The following PKHD1 variants were observed in gnomAD, a reference collection of about 807,000 sequenced individuals.
PKHD1 encodes the protein fibrocystin.
Under a neutral mutation model 412.0 loss-of-function variants are expected in PKHD1, and 291 were observed. The observed-to-expected ratio is 0.71, with a 90% CI of 0.64 to 0.78. The LOEUF (loss-of-function observed/expected upper bound fraction) is 0.78. PKHD1 is among the 30% of genes least tolerant of loss of function. PKHD1 has a pLI of 0.00. For synonymous variants in PKHD1, 1,777 were observed against 1,821.5 expected, an observed-to-expected ratio of 0.98 and a Z score of 0.62; for missense variants, 4,825 against 4,950.7, an observed-to-expected ratio of 0.97 and a Z score of 0.76.
chr6:52,048,996 C>A (rs551057567), intron 22 of PKHD1, among the ~76,000 whole-genome samples: 9 of 152,304 alleles, frequency 5.9e-5, no homozygotes, highest in Non-Finnish European at 8.8e-5. Context: ...ACTTTCTGCA[C>A]CTGCCTTTAA....
chr6:51,936,841 A>T (rs1360500860), intron 36 of PKHD1, among the ~76,000 whole-genome samples: 1 of 152,188 alleles, frequency 6.6e-6, no homozygotes, highest in Non-Finnish European at 1.5e-5. Flanking sequence ...GTACAGCACC[A>T]CATGACAGAT....
chr6:51,629,583 C>CA (rs1269551264), intron 65 of PKHD1, among the ~76,000 whole-genome samples: 9 of 151,004 alleles, frequency 6.0e-5, no homozygotes, highest in Admixed American at 5.9e-4. Context: ...CAAAACAAAA[C>CA]AAAAAACCAA....
At chr6:51,914,327 T>C (rs1383396297) in intron 37 of PKHD1, among the ~76,000 whole-genome samples, 1 of 152,130 alleles carries the variant, frequency 6.6e-6, no homozygotes, top group Non-Finnish European at 1.5e-5. Flanking sequence ...TTTGTAAATA[T>C]TGACAGAGCC....
chr6:51,850,944 T>C (rs1469018943), intron 49 of PKHD1, among the ~76,000 whole-genome samples: 1 of 152,220 alleles, frequency 6.6e-6, no homozygotes, highest in Non-Finnish European at 1.5e-5. Flanking sequence ...TGAATAAGAC[T>C]GGTGAGACAG....
At position 51,849,510 on chromosome 6, in the gene PKHD1, AAC is replaced by A. The variant is rs1271795716; in HGVS notation, c.7912-1542_7912-1541del. Among the ~76,000 whole-genome samples the A allele has an allele frequency of 2.0e-5, 3 of 152,314 alleles. No homozygotes were observed. The East Asian group carries it at 5.8e-4, about 29-fold the overall frequency. On this transcript the variant is annotated intron_variant, in intron 49 of 66. Coordinates refer to ENST00000371117, the MANE Select transcript of PKHD1 (RefSeq NM_138694.4). Reference sequence around the variant, plus strand: ...GGTTGAACTAATTTACATTCCCACCAACAGTGTAAAAGCGTTCCTGTTTCTCC... The same window carrying A: ...GGTTGAACTAATTTACATTCCCACCAAGTGTAAAAGCGTTCCTGTTTCTCC...
At chr6:51,888,803 C>G (rs183055537) in intron 43 of PKHD1, among the ~76,000 whole-genome samples, 1 of 149,066 alleles carries the variant, frequency 6.7e-6, no homozygotes, top group African/African-American at 2.5e-5. Context: ...CAGTGTCACA[C>G]GCTCACATCT....
At chr6:51,814,048 T>G (rs1214792459) in intron 52 of PKHD1, among the ~76,000 whole-genome samples, 1 of 152,198 alleles carries the variant, frequency 6.6e-6, no homozygotes, top group Non-Finnish European at 1.5e-5. Flanking sequence ...AACTGCTGCT[T>G]TCCCAGAAAA....
At chr6:51,754,635 G>T in intron 56 of PKHD1, 149 bp downstream of exon 56, 1 of 689,446 alleles carries the variant, frequency 1.5e-6, no homozygotes. Flanking sequence ...AGGGAATAGA[G>T]ATAAGGCCAC....
intron 36 of PKHD1, among the ~76,000 whole-genome samples, chr6:51,956,310 G>A (rs1167992925): frequency 1.2e-4 from 2 of 16,302 alleles, no homozygotes; most frequent in African/African-American, 5.6e-4. Context: ...ACATACGTGT[G>A]TGTGTGTGTG....
chr6:52,026,985 T>C (rs1326044789), intron 31 of PKHD1, among the ~76,000 whole-genome samples: 1 of 152,230 alleles, frequency 6.6e-6, no homozygotes, highest in African/African-American at 2.4e-5. Context: ...TTGTTTTCCA[T>C]TCTTTCTGAA....
rs1583573851 is a variant in PKHD1, at chr6:51,960,017, A to G, written c.5761T>C (p.Ser1921Pro). The change falls in exon 36 of 67, where the codon TCT (serine) becomes CCT (proline). Residue 1921 changes from serine to proline, a missense_variant. Ser to Pro is a moderately conservative substitution (Grantham distance 74, BLOSUM62 -1). Coordinates refer to ENST00000371117, the MANE Select transcript of PKHD1 (RefSeq NM_138694.4). ...GACCATCTCCGGCAGAACTGTAAAG[A>G]AAAGTTGCCCTGGAAAACAGAGAGC... ...RWGQNTQGNFSLQFCRRWSRT... is the reference protein window; with the variant it reads ...RWGQNTQGNFPLQFCRRWSRT... 3.7e-6 allele frequency: 6 copies of G among 1,613,296 alleles called. No homozygotes were observed. The highest frequency in any genetic ancestry group is 5.1e-6 in the Non-Finnish European group (6 of 1,179,490).
chr6:51,897,708 C>T (rs1285324494), intron 43 of PKHD1, among the ~76,000 whole-genome samples: 1 of 145,510 alleles, frequency 6.9e-6, no homozygotes, highest in Non-Finnish European at 1.5e-5. Context: ...AATTAAAAGA[C>T]ACAGACTGGC....
In PKHD1 at chr6:51,617,218, A is replaced by G. The variant is rs1766144982; in HGVS notation, c.*1863T>C. On this transcript the variant is annotated 3_prime_UTR_variant, in exon 67 of 67. Transcript: ENST00000371117. ...CTTCACTTCTGAAATGTTTTTTTCC[A>G]AAAAGCTTACGGCTCTTTGAGGATC... The G allele has an allele frequency of 6.6e-6, 1 of 152,268 alleles. No homozygotes were observed. The highest frequency in any genetic ancestry group is 1.5e-5 in the Non-Finnish European group (1 of 68,080). 9.4% of individuals were successfully genotyped at this position (152,268 alleles called of 1,614,324 possible). A position where few individuals can be genotyped will look rare whatever the true frequency, so the allele number is the denominator to read the frequency against.
At chr6:51,896,063 A>C (rs771284094) in intron 43 of PKHD1, among the ~76,000 whole-genome samples, 3 of 152,178 alleles carry the variant, frequency 2.0e-5, no homozygotes, top group Admixed American at 2.0e-4. Flanking sequence ...TCTGAGATCA[A>C]ACTGCAAGTC....
intron 60 of PKHD1, among the ~76,000 whole-genome samples, chr6:51,664,263 G>A (rs759706874): frequency 1.3e-5 from 2 of 152,106 alleles, no homozygotes; most frequent in African/African-American, 2.4e-5. Context: ...ATTCAGTCAT[G>A]ACACTGGATG....
At chr6:51,958,591 T>A (rs1791520160) in intron 36 of PKHD1, among the ~76,000 whole-genome samples, 1 of 152,076 alleles carries the variant, frequency 6.6e-6, no homozygotes. Flanking sequence ...GCTGGGAAAC[T>A]TCTCCCAAAT....
chr6:51,925,042 T>C (rs1446119539), intron 37 of PKHD1, among the ~76,000 whole-genome samples: 2 of 152,176 alleles, frequency 1.3e-5, no homozygotes, highest in African/African-American at 4.8e-5. Context: ...GTCCACTAGC[T>C]AGTTCACGGT....
In PKHD1 at chr6:52,043,046, A is replaced by T; in HGVS notation, c.2910T>A (p.Ser970Arg). The T allele has an allele frequency of 6.2e-7, 1 of 1,613,964 alleles. No homozygotes were observed. Among genetic ancestry groups the T allele is most frequent in the Non-Finnish European group, 8.5e-7 (1 of 1,179,890 alleles). Residue 970 changes from serine to arginine, a missense_variant, in exon 27 of 67, where the codon AGT (serine) becomes AGA (arginine). Ser to Arg is a moderately radical substitution (Grantham distance 110). Transcript: ENST00000371117. The part of the protein sequence containing the change: ...QFLQVTVNKT[S>R]CKVIFSNQTN... ...TCTGGTTTGAGAAAATAACTTTGCAACTCGTTTTGTTCACTGTAACCTGCA... is the reference window on the plus strand; with the variant it reads ...TCTGGTTTGAGAAAATAACTTTGCATCTCGTTTTGTTCACTGTAACCTGCA...
chr6:51,809,028 A>G (rs1764272342), intron 52 of PKHD1, among the ~76,000 whole-genome samples: 1 of 152,150 alleles, frequency 6.6e-6, no homozygotes, highest in Non-Finnish European at 1.5e-5. Context: ...AAACTATGAA[A>G]GAGATATACT....
Sources: allele counts gnomAD v4.1 joint callset (sites outside exome capture counted in the v4.1 genomes callset), GRCh38; gene constraint gnomAD v4.1.1; transcripts MANE v1.5; gene names NCBI Gene and HGNC (gene_info 2026-07-23, HGNC 2026-07-21).